RNF150: variants seen among roughly 807,000 people sequenced by gnomAD.
RNF150 encodes the protein ring finger protein 150.
In RNF150, 24 loss-of-function variants were observed where a neutral mutation model predicts 39.3. The observed-to-expected ratio is 0.61, with a 90% confidence interval of 0.44 to 0.86. The LOEUF (loss-of-function observed/expected upper bound fraction) is 0.86. Ranked by LOEUF, RNF150 falls within the 40% of genes least tolerant of loss-of-function variation. RNF150 has a pLI of 0.00. For synonymous variants in RNF150, 255 were observed against 227.3 expected (o/e 1.12, Z -1.10); for missense variants, 502 against 587.8 (o/e 0.85, Z 1.51).
rs779845867 is a variant in RNF150, at chr4:140,860,789, A to G, written c.*7472T>C. The G allele has an allele frequency of 6.6e-6, 1 of 152,182 alleles. No individual in the cohort carries two copies. Among genetic ancestry groups the G allele is most frequent in the Non-Finnish European group, 1.5e-5 (1 of 68,040 alleles). The allele number at this position is 152,182 out of a possible 1,614,324, so 9.4% of individuals were successfully genotyped here. On this transcript the variant is annotated 3_prime_UTR_variant, in exon 7 of 7. Coordinates refer to ENST00000515673, the MANE Select transcript of RNF150 (RefSeq NM_020724.2). The stretch of plus-strand genomic sequence containing the variant: ...TAATATGCTGTACAAAGTGGTTAAA[A>G]TAAGTTATTTCTTTTTCACATTTTT...
intron 1 of RNF150, among the ~76,000 whole-genome samples, chr4:141,090,505 A>G (rs745715698): frequency 9.9e-5 from 15 of 152,214 alleles, no homozygotes; most frequent in African/African-American, 3.4e-4. Context: ...ATATAAGCAT[A>G]GGAGATGGAA....
chr4:141,014,213 T>G (rs1445081706), intron 1 of RNF150, among the ~76,000 whole-genome samples: 2 of 152,230 alleles, frequency 1.3e-5, no homozygotes, highest in African/African-American at 4.8e-5. Context: ...TGTACATATA[T>G]GCAATATTTT....
chr4:141,004,766 A>G (rs1289166172), intron 1 of RNF150, among the ~76,000 whole-genome samples: 2 of 152,226 alleles, frequency 1.3e-5, no homozygotes, highest in Non-Finnish European at 2.9e-5. Flanking sequence ...CCATCATAAT[A>G]TAACCATTAA....
intron 2 of RNF150, among the ~76,000 whole-genome samples, chr4:140,953,487 G>T (rs1177034142): frequency 6.6e-6 from 1 of 151,354 alleles, no homozygotes; most frequent in Non-Finnish European, 1.5e-5. Context: ...CAGCTTCTGA[G>T]ATGTATATGA....
chr4:140,957,150 T>G (rs1451733417), intron 2 of RNF150, among the ~76,000 whole-genome samples: 3 of 151,692 alleles, frequency 2.0e-5, no homozygotes, highest in Non-Finnish European at 2.9e-5. Context: ...TTTCGCAACC[T>G]ACTCATCTGA....
chr4:141,143,523 C>T (rs923995411), intron 1 of RNF150, among the ~76,000 whole-genome samples: 1 of 152,206 alleles, frequency 6.6e-6, no homozygotes, highest in Admixed American at 6.5e-5. Context: ...ACCAGGCTCG[C>T]TTGTCACAGT....
chr4:141,008,013 TC>T (rs1326485981), intron 1 of RNF150, among the ~76,000 whole-genome samples: 2 of 152,168 alleles, frequency 1.3e-5, no homozygotes, highest in East Asian at 3.9e-4. Context: ...GCAGGTCTAG[TC>T]CTCCATACAA....
intron 1 of RNF150, among the ~76,000 whole-genome samples, chr4:141,010,025 G>C (rs975879424): frequency 1.3e-5 from 2 of 152,178 alleles, no homozygotes; most frequent in African/African-American, 2.4e-5. Flanking sequence ...TTTCCTAAAA[G>C]CTTGTCATCT....
chr4:141,203,484 GA>G (rs1728323053), intron 1 of RNF150, among the ~76,000 whole-genome samples: 1 of 151,740 alleles, frequency 6.6e-6, no homozygotes, highest in African/African-American at 2.4e-5. Context: ...CATTCTGTGT[GA>G]CTGGGAAGTA....
intron 2 of RNF150, among the ~76,000 whole-genome samples, chr4:140,964,408 C>G (rs571672115): frequency 3.3e-5 from 5 of 151,988 alleles, no homozygotes; most frequent in African/African-American, 1.2e-4. Context: ...TAGAACATGC[C>G]TGCAGCATAT....
chr4:141,033,910 A>G (rs542498329), intron 1 of RNF150, among the ~76,000 whole-genome samples: 6 of 152,306 alleles, frequency 3.9e-5, no homozygotes, highest in African/African-American at 1.4e-4. Context: ...TCACATGCAG[A>G]AATGTAACAT....
chr4:140,913,611 T>C (rs2111281660), intron 5 of RNF150, among the ~76,000 whole-genome samples: 1 of 152,316 alleles, frequency 6.6e-6, no homozygotes. Flanking sequence ...AGGGCATCTT[T>C]GCTCCTGCAA....
chr4:140,911,783 C>T (rs1730616110), intron 5 of RNF150, among the ~76,000 whole-genome samples: 1 of 152,084 alleles, frequency 6.6e-6, no homozygotes, highest in Non-Finnish European at 1.5e-5. Flanking sequence ...TACAAATATA[C>T]TAATGATATG....
intron 1 of RNF150, among the ~76,000 whole-genome samples, chr4:141,042,970 C>G (rs1736425308): frequency 6.6e-6 from 1 of 152,054 alleles, no homozygotes; most frequent in Admixed American, 6.6e-5. Context: ...TTACACCAAC[C>G]TAATACTTCA....
chr4:141,194,737 C>T (rs1208138938), intron 1 of RNF150, among the ~76,000 whole-genome samples: 1 of 152,078 alleles, frequency 6.6e-6, no homozygotes, highest in African/African-American at 2.4e-5. Context: ...AATAGGCTGG[C>T]TTAGAGAAAC....
At chr4:140,952,167 C>G (rs534640510) in intron 2 of RNF150, among the ~76,000 whole-genome samples, 1 of 151,952 alleles carries the variant, frequency 6.6e-6, no homozygotes, top group Non-Finnish European at 1.5e-5. Context: ...CCCGCCACCA[C>G]GCCTGGCTGA....
At chr4:141,013,220 T>G (rs568650760) in intron 1 of RNF150, among the ~76,000 whole-genome samples, 2 of 152,352 alleles carry the variant, frequency 1.3e-5, no homozygotes, top group East Asian at 3.9e-4. Context: ...GATTATGTGA[T>G]GGCTCGGATG....
chr4:141,195,537 G>A (rs1462573133), intron 1 of RNF150, among the ~76,000 whole-genome samples: 3 of 152,108 alleles, frequency 2.0e-5, no homozygotes, highest in Non-Finnish European at 2.9e-5. Context: ...GGTGGAGGTG[G>A]GTAGAAGGTT....
chr4:141,005,771 A>C (rs1031312949), intron 1 of RNF150, among the ~76,000 whole-genome samples: 1 of 152,032 alleles, frequency 6.6e-6, no homozygotes, highest in Non-Finnish European at 1.5e-5. Flanking sequence ...TAGTTAGATA[A>C]GAAATATTTT....
Sources: gnomAD v4.1 joint callset for allele counts (sites outside exome capture counted in the v4.1 genomes callset) on GRCh38, gnomAD v4.1.1 for gene constraint, MANE v1.5 for transcripts, NCBI Gene and HGNC (gene_info 2026-07-23, HGNC 2026-07-21) for gene names.